The following WDFY3 variants were observed in gnomAD, a reference collection of about 807,000 sequenced individuals.
The protein encoded by WDFY3 is WD repeat and FYVE domain containing 3, also known as WD repeat and FYVE domain-containing protein 3.
In WDFY3, 66 loss-of-function variants were observed where a neutral mutation model predicts 409.6. The ratio of observed to expected loss-of-function variants is 0.16; its 90% confidence interval spans 0.13 to 0.20. The LOEUF (loss-of-function observed/expected upper bound fraction) is 0.20. Ranked by LOEUF, WDFY3 falls within the 10% of genes least tolerant of loss-of-function variation. WDFY3 has a pLI of 1.00. For synonymous variants in WDFY3, 1,521 were observed against 1,537.1 expected (o/e 0.99, Z 0.25); for missense variants, 3,031 against 4,298.1 (o/e 0.71, Z 8.24).
chr4:84,821,604 T>A, intron 10 of WDFY3, 53 bp from the exon 11 acceptor site: 1 of 1,420,774 alleles, frequency 7.0e-7, no homozygotes, highest in East Asian at 2.3e-5. Flanking sequence ...ATTTTAATGA[T>A]GGCAAACTAG....
At chr4:84,779,961 T>C in intron 26 of WDFY3, 147 bp downstream of exon 26, 1 of 819,852 alleles carries the variant, frequency 1.2e-6, no homozygotes. Flanking sequence ...TCATTTGACA[T>C]ATATTAGTTT....
chr4:84,907,068 G>C (rs1356089777), intron 2 of WDFY3, among the ~76,000 whole-genome samples: 2 of 152,062 alleles, frequency 1.3e-5, no homozygotes, highest in Admixed American at 1.3e-4. Context: ...TAGATATGGA[G>C]GGCTGAATTT....
chr4:84,953,895 T>C (rs1474384221), intron 1 of WDFY3, among the ~76,000 whole-genome samples: 1 of 152,144 alleles, frequency 6.6e-6, no homozygotes, highest in Non-Finnish European at 1.5e-5. Context: ...ATCTTAGGGT[T>C]CTCTTAATCA....
rs1222032980 is a variant in WDFY3, at chr4:84,808,355, G to A, written c.2408C>T (p.Thr803Ile). 6.2e-7 allele frequency: 1 copy of A among 1,613,794 alleles called. No homozygotes were observed. Among genetic ancestry groups the A allele is most frequent in the Non-Finnish European group, 8.5e-7 (1 of 1,179,754 alleles). The change falls in exon 15 of 68, where the codon ACA (threonine) becomes ATA (isoleucine). Residue 803 changes from threonine (T) to isoleucine (I), a missense_variant. Transcript: ENST00000295888. ...SESSLPSPWG[T>I]PALSRKRHAY... Reference sequence around the variant, plus strand: ...GTACCTTTTCCTGGACAAAGCTGGTGTACCCCAAGGAGAGGGGAGAGAAGA... The same window carrying A: ...GTACCTTTTCCTGGACAAAGCTGGTATACCCCAAGGAGAGGGGAGAGAAGA...
chr4:84,678,014 A>G (rs1041350595), intron 66 of WDFY3, among the ~76,000 whole-genome samples, 154 bp downstream of exon 66: 4 of 151,454 alleles, frequency 2.6e-5, no homozygotes, highest in African/African-American at 9.7e-5. Flanking sequence ...ATATCCACAC[A>G]CTAACAGGGT....
At chr4:84,782,711 A>T (rs1396445756) in intron 25 of WDFY3, among the ~76,000 whole-genome samples, 1 of 152,214 alleles carries the variant, frequency 6.6e-6, no homozygotes, top group Non-Finnish European at 1.5e-5. Context: ...AAAGGACATG[A>T]TCTCATTCCT....
intron 5 of WDFY3, among the ~76,000 whole-genome samples, chr4:84,842,791 C>G (rs1404270821): frequency 1.3e-5 from 2 of 152,010 alleles, no homozygotes; most frequent in African/African-American, 2.4e-5. Context: ...AAAAACAAAA[C>G]AAAACAAAAA....
chr4:84,794,492 A>G (rs1380442179), intron 21 of WDFY3, 27 bp downstream of exon 21: 2 of 1,590,374 alleles, frequency 1.3e-6, no homozygotes, highest in Non-Finnish European at 8.6e-7. Flanking sequence ...CTATAATCAA[A>G]AGAAGAAAAC....
intron 4 of WDFY3, among the ~76,000 whole-genome samples, chr4:84,854,628 G>T (rs1759489663): frequency 6.6e-6 from 1 of 152,062 alleles, no homozygotes; most frequent in Non-Finnish European, 1.5e-5. Flanking sequence ...TCCAGTTCTA[G>T]GCCAGGTATG....
intron 3 of WDFY3, among the ~76,000 whole-genome samples, chr4:84,866,144 G>A (rs1296890892): frequency 6.6e-6 from 1 of 152,118 alleles, no homozygotes; most frequent in Non-Finnish European, 1.5e-5. Context: ...CAATTACTCA[G>A]ATAATCTCAA....
In WDFY3 at chr4:84,829,143, C is replaced by T. The variant is rs771377180; in HGVS notation, c.817G>A (p.Asp273Asn). 6.2e-6 allele frequency: 10 copies of T among 1,612,056 alleles called. No homozygotes were observed. Among genetic ancestry groups the T allele is most frequent in the African/African-American group, 1.3e-5 (1 of 74,834 alleles). ...TCVQNMQQSD[D>N]LSPLEIVEMF... ...TCGACAATTTCTAGGGGAGACAGGT[C>T]ATCTGATTGCTGCATATTCTGAACA... The change falls in exon 9 of 68, where the codon GAC becomes AAC. Residue 273 changes from aspartate (D) to asparagine (N), a missense_variant. Asp to Asn is a conservative substitution (Grantham distance 23). Around this residue, in one of 16 missense-constraint regions of WDFY3, gnomAD observed 1,322 missense variants for 1,697.9 expected, o/e 0.78. Transcript: ENST00000295888.
chr4:84,939,236 C>T (rs1283966063), intron 1 of WDFY3, among the ~76,000 whole-genome samples: 1 of 152,118 alleles, frequency 6.6e-6, no homozygotes, highest in East Asian at 1.9e-4. Context: ...AATGTTTCCT[C>T]GTGATTAAAT....
At chr4:84,845,490 AG>A (rs1199659660) in intron 5 of WDFY3, among the ~76,000 whole-genome samples, 1 of 152,198 alleles carries the variant, frequency 6.6e-6, no homozygotes, top group East Asian at 1.9e-4. Flanking sequence ...AAAAAGCTCT[AG>A]AGATCTGCTG....
intron 2 of WDFY3, among the ~76,000 whole-genome samples, chr4:84,906,075 G>C (rs1256334916): frequency 6.6e-6 from 1 of 152,142 alleles, no homozygotes; most frequent in Non-Finnish European, 1.5e-5. Flanking sequence ...ACTCCAAGTA[G>C]ACAGAATATG....
At chr4:84,862,265 G>A (rs912424830) in intron 3 of WDFY3, among the ~76,000 whole-genome samples, 1 of 152,140 alleles carries the variant, frequency 6.6e-6, no homozygotes, top group African/African-American at 2.4e-5. Context: ...CTAGAACTCT[G>A]CCAATGGCTT....
In WDFY3 at chr4:84,966,347, CGCCGCGGGCCGGG is replaced by C. The variant is rs1036775084; in HGVS notation, c.-377_-365del. 1 of 149,444 alleles carries C rather than the reference CGCCGCGGGCCGGG, an allele frequency of 6.7e-6. No homozygotes were observed. The allele number at this position is 149,444 out of a possible 1,614,324, so 9.3% of individuals were successfully genotyped here. A position where few individuals can be genotyped will look rare whatever the true frequency, so the allele number is the denominator to read the frequency against. On this transcript the variant is annotated 5_prime_UTR_variant, in exon 1 of 68. Coordinates refer to ENST00000295888, the MANE Select transcript of WDFY3 (RefSeq NM_014991.6). ...TCCGCGGCGGGGCCCGGGAGCCCCGCGCCGCGGGCCGGGGGCCGGGGCCCGAGCTCGATTCTGC... is the reference window on the plus strand; with the variant it reads ...TCCGCGGCGGGGCCCGGGAGCCCCGCGGCCGGGGCCCGAGCTCGATTCTGC...
intron 21 of WDFY3, among the ~76,000 whole-genome samples, 171 bp from the exon 22 acceptor site, chr4:84,790,078 G>A (rs946326173): frequency 2.6e-5 from 4 of 152,078 alleles, no homozygotes; most frequent in East Asian, 1.9e-4. Context: ...GGTTGGGCAC[G>A]GTGGCTCACA....
chr4:84,922,874 C>T lies in WDFY3; in HGVS notation c.-132+9396G>A, dbSNP rs150758081. On this transcript the variant is annotated intron_variant, in intron 2 of 67. Coordinates refer to ENST00000295888, the MANE Select transcript of WDFY3 (RefSeq NM_014991.6). ...TGCTGGGATTATAAGCGGGAGCCACCACACCCAGCCAAGGAATCCCATATG... is the reference window on the plus strand; with the variant it reads ...TGCTGGGATTATAAGCGGGAGCCACTACACCCAGCCAAGGAATCCCATATG... Among the ~76,000 whole-genome samples the T allele has an allele frequency of 8.4e-3, 1,281 of 152,236 alleles. 7 individuals are homozygous for T. The highest frequency in any genetic ancestry group is 0.012 in the Non-Finnish European group (808 of 68,008).
chr4:84,773,750 C>T (rs1745073842), intron 29 of WDFY3, among the ~76,000 whole-genome samples: 1 of 152,212 alleles, frequency 6.6e-6, no homozygotes, highest in African/African-American at 2.4e-5. Context: ...GACGGAGTTT[C>T]ACCCTTGTCA....
Sources: allele counts gnomAD v4.1 joint callset (sites outside exome capture counted in the v4.1 genomes callset), GRCh38; gene constraint gnomAD v4.1.1; regional missense constraint gnomAD v4.1.1; transcripts MANE v1.5; gene names NCBI Gene and HGNC (gene_info 2026-07-23, HGNC 2026-07-21).